CTIF: variants seen among roughly 807,000 people sequenced by gnomAD.
The protein encoded by CTIF is CBP80/20-dependent translation initiation factor.
Under a neutral mutation model 66.0 loss-of-function variants are expected in CTIF, and 21 were observed. The observed-to-expected ratio is 0.32, with a 90% CI of 0.23 to 0.46. The LOEUF is 0.46. Ranked by LOEUF, CTIF falls within the 20% of genes least tolerant of loss-of-function variation. CTIF has a pLI of 1.00. For synonymous variants in CTIF, 345 were observed against 326.4 expected (o/e 1.06, Z -0.62); for missense variants, 739 against 812.7 (o/e 0.91, Z 1.10).
intron 10 of CTIF, among the ~76,000 whole-genome samples, chr18:48,853,485 A>G (rs1032755676): frequency 1.3e-5 from 2 of 152,172 alleles, no homozygotes; most frequent in African/African-American, 2.4e-5. Flanking sequence ...TGTGCAGCCC[A>G]TACTGTTCCC....
intron 9 of CTIF, among the ~76,000 whole-genome samples, chr18:48,793,232 C>T (rs1431361659): frequency 6.6e-6 from 1 of 152,194 alleles, no homozygotes; most frequent in African/African-American, 2.4e-5. Flanking sequence ...CCTTATAAAT[C>T]AGGAGGCTCC....
chr18:48,659,312 A>G (rs1174253320), intron 3 of CTIF, among the ~76,000 whole-genome samples: 1 of 152,048 alleles, frequency 6.6e-6, no homozygotes, highest in African/African-American at 2.4e-5. Context: ...CTTCATGGCG[A>G]TCTCCTTCCT....
At chr18:48,760,392 A>AT (rs1359135652) in intron 8 of CTIF, 1 of 151,828 alleles carries the variant, frequency 6.6e-6, no homozygotes, top group Non-Finnish European at 1.5e-5. Flanking sequence ...AAAGCTATAG[A>AT]TTTTCTCGTC....
chr18:48,644,558 C>T (rs1202872687), intron 3 of CTIF, among the ~76,000 whole-genome samples: 2 of 152,198 alleles, frequency 1.3e-5, no homozygotes, highest in Admixed American at 6.5e-5. Context: ...GGCTCCAGCT[C>T]ACTTGGAGGA....
intron 10 of CTIF, among the ~76,000 whole-genome samples, chr18:48,818,076 A>G (rs780666364): frequency 6.6e-6 from 1 of 152,270 alleles, no homozygotes; most frequent in Admixed American, 6.5e-5. Flanking sequence ...CTGAAAAAGA[A>G]AGAAACAAGA....
At chr18:48,709,317 G>A (rs936127241) in intron 6 of CTIF, among the ~76,000 whole-genome samples, 42 of 152,354 alleles carry the variant, frequency 2.8e-4, no homozygotes, top group African/African-American at 9.6e-4. Context: ...GGTGGACACA[G>A]GGGACCTAAC....
chr18:48,749,356 C>T (rs1907570514), intron 7 of CTIF, among the ~76,000 whole-genome samples: 1 of 152,168 alleles, frequency 6.6e-6, no homozygotes, highest in South Asian at 2.1e-4. Context: ...CACAGTATTT[C>T]CCTCGGGATG....
At chr18:48,748,020 G>A (rs1422242598) in intron 7 of CTIF, among the ~76,000 whole-genome samples, 1 of 151,982 alleles carries the variant, frequency 6.6e-6, no homozygotes, top group Non-Finnish European at 1.5e-5. Flanking sequence ...CCAAAGTAAT[G>A]GAGAAAGCAG....
At chr18:48,652,520 G>T (rs533417098) in intron 3 of CTIF, among the ~76,000 whole-genome samples, 1 of 152,242 alleles carries the variant, frequency 6.6e-6, no homozygotes, top group South Asian at 2.1e-4. Context: ...AAAGTCCAGG[G>T]CCAGACAGAT....
At chr18:48,785,573 G>C (rs1911633083) in intron 9 of CTIF, among the ~76,000 whole-genome samples, 2 of 152,184 alleles carry the variant, frequency 1.3e-5, no homozygotes, top group African/African-American at 4.8e-5. Context: ...GACCATCAAG[G>C]AAAGCAAAAG....
chr18:48,819,123 C>T (rs1284401477), intron 10 of CTIF, among the ~76,000 whole-genome samples: 1 of 152,204 alleles, frequency 6.6e-6, no homozygotes, highest in Non-Finnish European at 1.5e-5. Context: ...TGAGCCTCTG[C>T]CACTCCATGT....
At chr18:48,569,714 G>T (rs867659519) in intron 1 of CTIF, among the ~76,000 whole-genome samples, 8 of 152,128 alleles carry the variant, frequency 5.3e-5, no homozygotes, top group Middle Eastern at 3.4e-3. Flanking sequence ...GTTCGCAGAG[G>T]TTGATGGTGA....
chr18:48,755,801 A>T (rs1267785604), intron 7 of CTIF: 3 of 152,260 alleles, frequency 2.0e-5, no homozygotes. Flanking sequence ...AGATTTTTAC[A>T]GATATTTTAA....
At chr18:48,833,688 G>A (rs1158219363) in intron 10 of CTIF, among the ~76,000 whole-genome samples, 1 of 152,146 alleles carries the variant, frequency 6.6e-6, no homozygotes, top group East Asian at 1.9e-4. Context: ...ATTTGGGAGG[G>A]GTAGGGAAGG....
intron 6 of CTIF, among the ~76,000 whole-genome samples, chr18:48,699,002 C>G (rs939370908): frequency 6.6e-6 from 1 of 152,174 alleles, no homozygotes; most frequent in Non-Finnish European, 1.5e-5. Context: ...CGAGGACCCA[C>G]GTTTCAACCC....
At chr18:48,707,822 CGTT>C in intron 6 of CTIF, among the ~76,000 whole-genome samples, 1 of 152,316 alleles carries the variant, frequency 6.6e-6, no homozygotes, top group South Asian at 2.1e-4. Context: ...AATTCTGGAA[CGTT>C]GTTATCACCA....
intron 6 of CTIF, among the ~76,000 whole-genome samples, chr18:48,681,232 G>T (rs1355372773): frequency 6.6e-6 from 1 of 152,228 alleles, no homozygotes; most frequent in Admixed American, 6.5e-5. Flanking sequence ...TATACAGCCA[G>T]GGGGGCTGGG....
At chr18:48,848,086 G>A (rs2069119211) in intron 10 of CTIF, among the ~76,000 whole-genome samples, 1 of 152,278 alleles carries the variant, frequency 6.6e-6, no homozygotes, top group South Asian at 2.1e-4. Context: ...TGCAGGTGTG[G>A]TTCTTCTGAC....
At chr18:48,815,644 G>T (rs901820723) in intron 9 of CTIF, among the ~76,000 whole-genome samples, 1 of 152,216 alleles carries the variant, frequency 6.6e-6, no homozygotes, top group African/African-American at 2.4e-5. Context: ...GCCAGCCCCT[G>T]ACCTGCCACC....
Sources: gnomAD v4.1 joint callset for allele counts (sites outside exome capture counted in the v4.1 genomes callset) on GRCh38, gnomAD v4.1.1 for gene constraint, MANE v1.5 for transcripts, NCBI Gene and HGNC (gene_info 2026-07-23, HGNC 2026-07-21) for gene names.